The following ASCC1 variants were observed in gnomAD, a reference collection of about 807,000 sequenced individuals.
The protein encoded by ASCC1 is activating signal cointegrator 1 complex subunit 1.
In ASCC1, 35 loss-of-function variants were observed where a neutral mutation model predicts 46.6. That is an observed-to-expected ratio of 0.75 (90% CI 0.57 to 0.99). The LOEUF is 0.99. Ranked by LOEUF, ASCC1 falls within the 50% of genes least tolerant of loss-of-function variation. ASCC1 has a pLI of 0.00. For missense variants in ASCC1, 376 were observed against 428.7 expected, an observed-to-expected ratio of 0.88 and a Z score of 1.09; for synonymous variants, 143 against 146.6, an observed-to-expected ratio of 0.98 and a Z score of 0.18.
chr10:72,149,872 A>C (rs1427205789), intron 7 of ASCC1, among the ~76,000 whole-genome samples: 1 of 152,128 alleles, frequency 6.6e-6, no homozygotes, highest in African/African-American at 2.4e-5. Context: ...GTTTAGGCAC[A>C]CACCAGATAT....
chr10:72,207,030 A>C (rs1308122537), intron 3 of ASCC1, among the ~76,000 whole-genome samples: 1 of 152,188 alleles, frequency 6.6e-6, no homozygotes, highest in Non-Finnish European at 1.5e-5. Flanking sequence ...GTGCGGCATG[A>C]CATATGCTAT....
intron 9 of ASCC1, among the ~76,000 whole-genome samples, chr10:72,118,572 G>C (rs894059331): frequency 2.0e-5 from 3 of 151,894 alleles, no homozygotes; most frequent in Non-Finnish European, 4.4e-5. Flanking sequence ...CTGAGGTCAG[G>C]AGTTCGAGAC....
intron 5 of ASCC1, among the ~76,000 whole-genome samples, chr10:72,167,829 G>C (rs901822657): frequency 6.6e-6 from 1 of 151,506 alleles, no homozygotes; most frequent in Non-Finnish European, 1.5e-5. Flanking sequence ...GTAGAAATGG[G>C]GTCTCATTAT....
chr10:72,171,587 C>A (rs1259020402), intron 5 of ASCC1, among the ~76,000 whole-genome samples: 1 of 152,072 alleles, frequency 6.6e-6, no homozygotes, highest in Non-Finnish European at 1.5e-5. Flanking sequence ...CCACCATGTC[C>A]AGCTAATTTT....
intron 9 of ASCC1, among the ~76,000 whole-genome samples, chr10:72,113,587 A>T (rs7085094): frequency 0.13 from 19,878 of 152,202 alleles, 4,069 homozygotes; most frequent in African/African-American, 0.43. Flanking sequence ...CAAGGAAAAA[A>T]TTTGGTGAAA....
At chr10:72,118,342 G>A (rs1222795459) in intron 9 of ASCC1, among the ~76,000 whole-genome samples, 5 of 151,052 alleles carry the variant, frequency 3.3e-5, no homozygotes, top group Admixed American at 1.3e-4. Context: ...ACTCCAGCCC[G>A]GGTGACAGAG....
chr10:72,199,945 C>G (rs1195743406), intron 4 of ASCC1, among the ~76,000 whole-genome samples: 1 of 151,770 alleles, frequency 6.6e-6, no homozygotes, highest in Non-Finnish European at 1.5e-5. Flanking sequence ...GTTGCCCGGG[C>G]TGACCTTGAA....
rs775198618 is a variant in ASCC1 at position 72,192,047 on chromosome 10, G to A, written c.489+4764C>T. Among the ~76,000 whole-genome samples the A allele has an allele frequency of 1.5e-4, 23 of 151,816 alleles. 1 individual carries two copies. The Middle Eastern group carries it at 0.01, about 67-fold the overall frequency. On this transcript the variant is annotated intron_variant, in intron 5 of 9. Coordinates refer to ENST00000672957, the MANE Select transcript of ASCC1 (RefSeq NM_001198800.3). ...AAAACTTTTGCTCTACAAAAGACAC[G>A]AATAAGAGAATGAAAAGACAAGCTA...
intron 9 of ASCC1, among the ~76,000 whole-genome samples, chr10:72,118,087 G>A (rs978747725): frequency 6.6e-6 from 1 of 152,182 alleles, no homozygotes; most frequent in Non-Finnish European, 1.5e-5. Context: ...ATAATTTTCG[G>A]CCGGACATGG....
At chr10:72,133,636 A>T (rs1194689942) in intron 7 of ASCC1, 1 of 238,894 alleles carries the variant, frequency 4.2e-6, no homozygotes, top group Non-Finnish European at 8.3e-6. Context: ...AGAGAGTGAC[A>T]GAAAAGGGAC....
intron 9 of ASCC1, among the ~76,000 whole-genome samples, chr10:72,115,961 T>C (rs909923359): frequency 2.6e-5 from 4 of 152,210 alleles, no homozygotes; most frequent in Non-Finnish European, 4.4e-5. Context: ...TGAAATCAAA[T>C]GGCCCAATTT....
Position 72,096,243 on chromosome 10 carries a change from C to CAGGGG in ASCC1, c.*1090_*1091insCCCCT. 2.2e-6 allele frequency: 1 copy of CAGGGG among 453,950 alleles called. No individual in the cohort carries two copies. The highest frequency in any genetic ancestry group is 4.4e-6 in the Non-Finnish European group (1 of 226,716). 28.1% of individuals were successfully genotyped at this position (453,950 alleles called of 1,614,324 possible). ...AATGTGAGGAGGCAGGGGTGGGAGG[C>CAGGGG]TGGGGCTCCCCAGCATTCCCGCCTC... On this transcript the variant is annotated 3_prime_UTR_variant, in exon 10 of 10. Transcript: ENST00000672957.
intron 8 of ASCC1, among the ~76,000 whole-genome samples, chr10:72,129,182 A>T (rs1372092700): frequency 1.7e-4 from 26 of 152,222 alleles, no homozygotes; most frequent in Non-Finnish European, 4.4e-5. Flanking sequence ...GATGCTCTTA[A>T]TCAAAGATCC....
chr10:72,183,550 G>A (rs1852972292), intron 5 of ASCC1, among the ~76,000 whole-genome samples: 1 of 152,124 alleles, frequency 6.6e-6, no homozygotes. Context: ...TCGGGAGGCT[G>A]AGGCAGGAAG....
At chr10:72,208,053 C>T (rs1263350899) in intron 3 of ASCC1, among the ~76,000 whole-genome samples, 1 of 151,970 alleles carries the variant, frequency 6.6e-6, no homozygotes, top group Non-Finnish European at 1.5e-5. Flanking sequence ...TGGTCTCCAA[C>T]TCATGGGCTC....
chr10:72,114,364 G>A (rs1310824016), intron 9 of ASCC1, among the ~76,000 whole-genome samples: 2 of 152,154 alleles, frequency 1.3e-5, no homozygotes, highest in Admixed American at 6.5e-5. Context: ...GGTGGCTCAC[G>A]CCTATAATCC....
rs554589018 is a variant in ASCC1 at position 72,173,292 on chromosome 10, T to G, written c.490-11618A>C. On this transcript the variant is annotated intron_variant, in intron 5 of 9. Coordinates refer to ENST00000672957, the MANE Select transcript of ASCC1 (RefSeq NM_001198800.3). ...CTTTATTCTTCAACTTTCTCTTGCA[T>G]AAATTTGCTCTAATACCCAGCTAGA... Among the ~76,000 whole-genome samples the G allele has an allele frequency of 3.9e-4, 59 of 152,276 alleles. 1 individual carries two copies. The South Asian group carries it at 0.012, about 30-fold the overall frequency.
chr10:72,110,702 GC>G (rs1842834275), intron 9 of ASCC1, among the ~76,000 whole-genome samples: 2 of 152,136 alleles, frequency 1.3e-5, no homozygotes, highest in African/African-American at 4.8e-5. Context: ...CAGGAGAATC[GC>G]TTGAACCCGG....
At chr10:72,192,046 C>T (rs546513614) in intron 5 of ASCC1, among the ~76,000 whole-genome samples, 10 of 151,794 alleles carry the variant, frequency 6.6e-5, no homozygotes, top group African/African-American at 1.5e-4. Context: ...ACAAAAGACA[C>T]GAATAAGAGA....
Sources: allele counts gnomAD v4.1 joint callset (sites outside exome capture counted in the v4.1 genomes callset), GRCh38; gene constraint gnomAD v4.1.1; transcripts MANE v1.5; gene names NCBI Gene and HGNC (gene_info 2026-07-23, HGNC 2026-07-21).